FBXW7: variants seen among roughly 807,000 people sequenced by gnomAD.
The protein encoded by FBXW7 is F-box and WD repeat domain containing 7, also known as F-box/WD repeat-containing protein 7.
FBXW7 carries 11 observed loss-of-function variants against 86.3 expected under a neutral mutation model. That is an observed-to-expected ratio of 0.13 (90% CI 0.08 to 0.21). The LOEUF (loss-of-function observed/expected upper bound fraction) is 0.21, where lower values mean the gene tolerates loss of function less well. Among genes scored for constraint, FBXW7 ranks in the 10% least tolerant of loss-of-function variants. FBXW7 has a pLI of 1.00. For synonymous variants in FBXW7, 313 were observed against 297.9 expected, an observed-to-expected ratio of 1.05 and a Z score of -0.52; for missense variants, 488 against 847.4, an observed-to-expected ratio of 0.58 and a Z score of 5.27.
rs1250422692 is a variant in FBXW7, at chr4:152,322,353, A to G, written c.*528T>C. 4.4e-6 allele frequency: 1 copy of G among 228,510 alleles called. No individual in the cohort carries two copies. Among genetic ancestry groups the G allele is most frequent in the East Asian group, 6.2e-5 (1 of 16,142 alleles). 14.2% of individuals were successfully genotyped at this position (228,510 alleles called of 1,614,324 possible). A position where few individuals can be genotyped will look rare whatever the true frequency, so the allele number is the denominator to read the frequency against. ...AAAAAAAAAAAAAAAGCTTTTCATGATAACTGTACAAAAACAATTCACAGT... is the reference window on the plus strand; with the variant it reads ...AAAAAAAAAAAAAAAGCTTTTCATGGTAACTGTACAAAAACAATTCACAGT... On this transcript the variant is annotated 3_prime_UTR_variant, in exon 14 of 14. Transcript: ENST00000281708.
At chr4:152,504,483 G>C (rs759358644) in intron 2 of FBXW7, among the ~76,000 whole-genome samples, 12 of 152,044 alleles carry the variant, frequency 7.9e-5, no homozygotes, top group Non-Finnish European at 1.8e-4. Context: ...GTTGACACAA[G>C]AGTTCATGAA....
intron 6 of FBXW7, among the ~76,000 whole-genome samples, chr4:152,342,630 T>A (rs1730860478): frequency 6.6e-6 from 1 of 152,236 alleles, no homozygotes; most frequent in African/African-American, 2.4e-5. Context: ...AGAACTCACT[T>A]CTCTAGCACC....
intron 2 of FBXW7, among the ~76,000 whole-genome samples, chr4:152,471,596 A>AGAAAGAAG (rs1743977294): frequency 6.6e-6 from 1 of 151,478 alleles, no homozygotes; most frequent in Non-Finnish European, 1.5e-5. Flanking sequence ...AGGGAAAGAG[A>AGAAAGAAG]GAAAGAAGGA....
At chr4:152,355,157 T>C (rs900406874) in intron 4 of FBXW7, among the ~76,000 whole-genome samples, 10 of 152,142 alleles carry the variant, frequency 6.6e-5, no homozygotes, top group African/African-American at 2.4e-4. Flanking sequence ...ATCTATTATA[T>C]TACTGTCATC....
In FBXW7 at chr4:152,321,222, G is replaced by A. The variant is rs1342014987; in HGVS notation, c.*1659C>T. ...TAGACAAATCCTAAATACTTATAAT[G>A]AAGGATTATTACTTCAGTGGAAGAA... On this transcript the variant is annotated 3_prime_UTR_variant, in exon 14 of 14. Coordinates refer to ENST00000281708, the MANE Select transcript of FBXW7 (RefSeq NM_001349798.2). 4.4e-6 allele frequency: 1 copy of A among 226,438 alleles called. No individual in the cohort carries two copies. The highest frequency in any genetic ancestry group is 2.2e-5 in the African/African-American group (1 of 44,922). 14.0% of individuals were successfully genotyped at this position (226,438 alleles called of 1,614,324 possible). A position where few individuals can be genotyped will look rare whatever the true frequency, so the allele number is the denominator to read the frequency against.
intron 2 of FBXW7, among the ~76,000 whole-genome samples, chr4:152,462,680 A>G (rs771325807): frequency 1.3e-5 from 2 of 152,184 alleles, no homozygotes; most frequent in African/African-American, 2.4e-5. Flanking sequence ...GTTACTTTCC[A>G]TGGCTTTTAA....
At chr4:152,501,827 C>T (rs1316907735) in intron 2 of FBXW7, among the ~76,000 whole-genome samples, 1 of 152,058 alleles carries the variant, frequency 6.6e-6, no homozygotes, top group Non-Finnish European at 1.5e-5. Flanking sequence ...GATACTTTTC[C>T]ACTCTCCAAC....
At chr4:152,509,563 C>A (rs553152431) in intron 2 of FBXW7, among the ~76,000 whole-genome samples, 106 of 152,058 alleles carry the variant, frequency 7.0e-4, no homozygotes, top group Middle Eastern at 3.4e-3. Context: ...CGAACGTAAA[C>A]TATTATTGCT....
At chr4:152,515,269 T>TA (rs914474683) in intron 2 of FBXW7, among the ~76,000 whole-genome samples, 17 of 152,304 alleles carry the variant, frequency 1.1e-4, no homozygotes, top group African/African-American at 4.1e-4. Context: ...TTTAAAATAC[T>TA]AAAAAATGCA....
chr4:152,394,955 T>C (rs550492146), intron 4 of FBXW7, among the ~76,000 whole-genome samples: 1 of 152,216 alleles, frequency 6.6e-6, no homozygotes, highest in African/African-American at 2.4e-5. Context: ...TTGTTATAGC[T>C]ATACTGTTGA....
intron 6 of FBXW7, among the ~76,000 whole-genome samples, chr4:152,339,700 T>C (rs1578920094): frequency 2.0e-5 from 3 of 152,158 alleles, no homozygotes; most frequent in Admixed American, 2.0e-4. Context: ...TCAGTAGTTT[T>C]GGGAGGCAGA....
intron 2 of FBXW7, among the ~76,000 whole-genome samples, chr4:152,456,370 A>AAC (rs1161509907): frequency 6.9e-6 from 1 of 144,490 alleles, no homozygotes; most frequent in Non-Finnish European, 1.5e-5. Context: ...TAAAAAAAAA[A>AAC]AAAAAAAAAA....
intron 6 of FBXW7, among the ~76,000 whole-genome samples, chr4:152,345,607 G>A (rs576537088): frequency 5.9e-4 from 90 of 151,872 alleles, no homozygotes; most frequent in Non-Finnish European, 1.1e-3. Flanking sequence ...TTGTCTCAAC[G>A]CGGGGAAAAA....
chr4:152,324,078 A>C (rs1728791325), intron 13 of FBXW7, 106 bp downstream of exon 13: 3 of 804,536 alleles, frequency 3.7e-6, no homozygotes, highest in Non-Finnish European at 6.0e-6. Flanking sequence ...TTCTGAAGTA[A>C]CCATTCTGTA....
At chr4:152,359,015 T>C (rs918451239) in intron 4 of FBXW7, among the ~76,000 whole-genome samples, 2 of 152,170 alleles carry the variant, frequency 1.3e-5, no homozygotes, top group Admixed American at 6.5e-5. Flanking sequence ...AAAAGTGTTA[T>C]ATTTTGCAAA....
At chr4:152,523,690 C>A (rs1428332764) in intron 2 of FBXW7, among the ~76,000 whole-genome samples, 1 of 152,164 alleles carries the variant, frequency 6.6e-6, no homozygotes, top group East Asian at 1.9e-4. Context: ...CCCCTACCTC[C>A]AAACACTCTC....
intron 4 of FBXW7, among the ~76,000 whole-genome samples, chr4:152,377,824 G>A (rs80114429): frequency 0.014 from 2,073 of 149,888 alleles, 25 homozygotes; most frequent in Middle Eastern, 0.038. Flanking sequence ...CAAACACAAA[G>A]GAACTAGAGA....
At chr4:152,324,529 AG>A in intron 12 of FBXW7, 135 bp from the exon 13 acceptor site, 1 of 670,924 alleles carries the variant, frequency 1.5e-6, no homozygotes, top group African/African-American at 1.8e-5. Context: ...ACTAAGATAA[AG>A]TGGCAATGAG....
intron 2 of FBXW7, among the ~76,000 whole-genome samples, chr4:152,444,709 T>A (rs761520201): frequency 6.6e-6 from 1 of 152,196 alleles, no homozygotes; most frequent in African/African-American, 2.4e-5. Flanking sequence ...CCAAGAATCA[T>A]GTGAGAGGCT....
Sources: allele counts gnomAD v4.1 joint callset (sites outside exome capture counted in the v4.1 genomes callset), GRCh38; gene constraint gnomAD v4.1.1; transcripts MANE v1.5; gene names NCBI Gene and HGNC (gene_info 2026-07-23, HGNC 2026-07-21).